The following AIMP1 variants were observed in gnomAD, a reference collection of about 807,000 sequenced individuals.
The protein encoded by AIMP1 is aminoacyl tRNA synthetase complex interacting multifunctional protein 1.
In AIMP1, 24 loss-of-function variants were observed where a neutral mutation model predicts 33.1. That is an observed-to-expected ratio of 0.73 (90% CI 0.53 to 1.02). AIMP1 has a LOEUF of 1.02. Among genes scored for constraint, AIMP1 ranks in the 50% least tolerant of loss-of-function variants. The pLI is 0.00. For synonymous variants in AIMP1, 120 were observed against 121.5 expected (o/e 0.99, Z 0.08); for missense variants, 367 against 364.8 (o/e 1.01, Z -0.05).
Position 106,316,571 on chromosome 4 carries a change from G to A in AIMP1, c.-49G>A. On this transcript the variant is annotated 5_prime_UTR_variant, in exon 1 of 7. Coordinates refer to ENST00000672341, the MANE Select transcript of AIMP1 (RefSeq NM_001142416.2). The stretch of plus-strand genomic sequence containing the variant: ...ACATGCTTCCTGCTGTGGCTGTCTC[G>A]GAACCCGTGGTCCTCCGCTTCATGT... 5 of 1,551,584 alleles carry A rather than the reference G, an allele frequency of 3.2e-6. No individual in the cohort carries two copies. Among genetic ancestry groups the A allele is most frequent in the Non-Finnish European group, 4.4e-6 (5 of 1,146,946 alleles).
intron 5 of AIMP1, among the ~76,000 whole-genome samples, chr4:106,332,698 A>T (rs1769728809): frequency 6.7e-6 from 1 of 150,136 alleles, no homozygotes. Context: ...ACATCTGTCT[A>T]TATAGATATA....
intron 3 of AIMP1, 135 bp from the exon 4 acceptor site, chr4:106,327,941 G>C: frequency 1.5e-6 from 2 of 1,349,680 alleles, no homozygotes; most frequent in Non-Finnish European, 1.0e-6. Context: ...TATAGTCTCA[G>C]ACAGTGGATA....
chr4:106,337,023 T>C lies in AIMP1; in HGVS notation c.758T>C (p.Phe253Ser), dbSNP rs770120914. ...TCTGTTCCTGGAGACAGAATTACTT[T>C]TGATGCTTTCCCAGGTAGGTATTTA... Reference protein sequence around the residue: ...NGSVPGDRITFDAFPGEPDKE... With the variant: ...NGSVPGDRITSDAFPGEPDKE... The change falls in exon 6 of 7, where the codon TTT becomes TCT. Residue 253 changes from phenylalanine (F) to serine (S), a missense_variant. Phe to Ser is a radical substitution (Grantham distance 155, BLOSUM62 -2). Transcript: ENST00000672341. The C allele has an allele frequency of 6.2e-7, 1 of 1,614,026 alleles. No homozygotes were observed. Among genetic ancestry groups the C allele is most frequent in the South Asian group, 1.1e-5 (1 of 91,084 alleles).
intron 2 of AIMP1, among the ~76,000 whole-genome samples, chr4:106,325,864 T>C (rs1192101324): frequency 6.6e-6 from 1 of 152,034 alleles, no homozygotes; most frequent in African/African-American, 2.4e-5. Context: ...ATATATAAAA[T>C]AGAGAAGAGA....
At chr4:106,339,740 T>C (rs551504517) in intron 6 of AIMP1, among the ~76,000 whole-genome samples, 1 of 152,356 alleles carries the variant, frequency 6.6e-6, no homozygotes, top group Non-Finnish European at 1.5e-5. Flanking sequence ...AAATCTCTTA[T>C]GCTGTAGATT....
chr4:106,330,731 A>T (rs1233929205), intron 4 of AIMP1, among the ~76,000 whole-genome samples: 2 of 152,202 alleles, frequency 1.3e-5, no homozygotes, highest in African/African-American at 4.8e-5. Flanking sequence ...AGCACTCCGT[A>T]TGTTGAAAGA....
chr4:106,342,263 A>G (rs1381953614), intron 6 of AIMP1, among the ~76,000 whole-genome samples: 4 of 152,090 alleles, frequency 2.6e-5, no homozygotes, highest in African/African-American at 7.2e-5. Flanking sequence ...TTCTTTTCCT[A>G]TTTGGATGCC....
intron 6 of AIMP1, among the ~76,000 whole-genome samples, chr4:106,341,444 A>G (rs577312441): frequency 1.3e-5 from 2 of 152,174 alleles, no homozygotes; most frequent in Non-Finnish European, 2.9e-5. Flanking sequence ...TAATTCTTTA[A>G]TCCATCTTGA....
In AIMP1 at chr4:106,321,204, C is replaced by T. The variant is rs372402970; in HGVS notation, c.-25-3781C>T. ...AGTGAGGAGCGTCTTTGCCTGGCCG[C>T]CCATCGTCGGGGATGTGAGGAGCCC... On this transcript the variant is annotated intron_variant, in intron 1 of 6. Transcript: ENST00000672341. 1.3e-4 allele frequency: 21 copies of T among 162,676 alleles called. 1 individual carries two copies. In the South Asian group the frequency reaches 3.6e-3, roughly 28 times the overall value. The allele number at this position is 162,676 out of a possible 1,614,324, so 10.1% of individuals were successfully genotyped here. A position where few individuals can be genotyped will look rare whatever the true frequency, so the allele number is the denominator to read the frequency against.
intron 1 of AIMP1, among the ~76,000 whole-genome samples, chr4:106,323,118 T>G (rs764799990): frequency 1.3e-5 from 2 of 152,230 alleles, no homozygotes; most frequent in Non-Finnish European, 2.9e-5. Flanking sequence ...CCTAAACTTA[T>G]GCTTGTTCTT....
intron 2 of AIMP1, among the ~76,000 whole-genome samples, chr4:106,325,492 T>C (rs1295173688): frequency 1.3e-5 from 2 of 151,346 alleles, no homozygotes; most frequent in Non-Finnish European, 3.0e-5. Context: ...TTTATAGTGT[T>C]TCTCGAGATT....
intron 1 of AIMP1, chr4:106,321,629 T>G (rs890002762): frequency 1.2e-4 from 20 of 161,408 alleles, no homozygotes; most frequent in Non-Finnish European, 2.5e-4. Context: ...GGAGGGCGCC[T>G]CTGCCCGGCC....
chr4:106,317,265 T>C (rs1434417676), intron 1 of AIMP1, among the ~76,000 whole-genome samples: 1 of 152,070 alleles, frequency 6.6e-6, no homozygotes, highest in Non-Finnish European at 1.5e-5. Context: ...ATTGCAGAGG[T>C]CATGAAGCAG....
chr4:106,320,095 A>G (rs1406602379), intron 1 of AIMP1, among the ~76,000 whole-genome samples: 1 of 152,206 alleles, frequency 6.6e-6, no homozygotes, highest in African/African-American at 2.4e-5. Context: ...TGTTATTATC[A>G]TCTATGAGAA....
At chr4:106,325,143 G>A in intron 2 of AIMP1, 25 bp downstream of exon 2, 1 of 1,583,484 alleles carries the variant, frequency 6.3e-7, no homozygotes. Flanking sequence ...AATTTTTTGA[G>A]GAGATACTTA....
In AIMP1 at chr4:106,342,881, G is replaced by A. The variant is rs550465579; in HGVS notation, c.773-4645G>A. On this transcript the variant is annotated intron_variant, in intron 6 of 6. Coordinates refer to ENST00000672341, the MANE Select transcript of AIMP1 (RefSeq NM_001142416.2). ...TTCTTTGTACATCTGGTAGAATTCA[G>A]CTGCGAATCTATCCGATCCAGGGCT... is the stretch of plus-strand genomic sequence containing the variant. Among the ~76,000 whole-genome samples, 656 of 151,184 alleles carry A rather than the reference G, an allele frequency of 4.3e-3. 3 individuals are homozygous for A. Among genetic ancestry groups the A allele is most frequent in the African/African-American group, 0.015 (608 of 41,226 alleles).
chr4:106,339,863 A>G lies in AIMP1; in HGVS notation c.772+2826A>G, dbSNP rs188788304. On this transcript the variant is annotated intron_variant, in intron 6 of 6. Transcript: ENST00000672341. ...TTACTCAAATTCAGGATATAGAGAA[A>G]ATATCTAAGTTAAAATGTAATGATT... is the stretch of plus-strand genomic sequence containing the variant. Among the ~76,000 whole-genome samples the G allele has an allele frequency of 6.0e-4, 91 of 152,336 alleles. 4 individuals carry two copies. Among genetic ancestry groups the G allele is most frequent in the Admixed American group, 1.8e-3 (27 of 15,300 alleles).
intron 6 of AIMP1, among the ~76,000 whole-genome samples, chr4:106,339,588 A>G (rs1770017184): frequency 6.6e-6 from 1 of 152,200 alleles, no homozygotes; most frequent in Admixed American, 6.5e-5. Context: ...AAATTACCCA[A>G]CCTTGGATGT....
intron 6 of AIMP1, among the ~76,000 whole-genome samples, chr4:106,339,320 T>C (rs1436328167): frequency 6.6e-6 from 1 of 152,178 alleles, no homozygotes; most frequent in Non-Finnish European, 1.5e-5. Flanking sequence ...CATCTTGAAT[T>C]ATAGCTCCCA....
Sources: allele counts gnomAD v4.1 joint callset (sites outside exome capture counted in the v4.1 genomes callset), GRCh38; gene constraint gnomAD v4.1.1; transcripts MANE v1.5; gene names NCBI Gene and HGNC (gene_info 2026-07-23, HGNC 2026-07-21).